The following CSGALNACT1 variants were observed in gnomAD, a reference collection of about 807,000 sequenced individuals.
The protein encoded by CSGALNACT1 is chondroitin sulfate N-acetylgalactosaminyltransferase 1.
In CSGALNACT1, 52 loss-of-function variants were observed where a neutral mutation model predicts 51.0. That is an observed-to-expected ratio of 1.02 (90% CI 0.82 to 1.29). CSGALNACT1 has a LOEUF of 1.29. Among genes scored for constraint, CSGALNACT1 ranks in the 50% most tolerant of loss-of-function variants. The pLI, the probability that CSGALNACT1 is intolerant of heterozygous loss-of-function variation, is 0.00. For synonymous variants in CSGALNACT1, 341 were observed against 254.4 expected (o/e 1.34, Z -3.24); for missense variants, 935 against 679.2 (o/e 1.38, Z -4.19).
At chr8:19,752,042 TATATA>T (rs1246638600) in intron 1 of CSGALNACT1, among the ~76,000 whole-genome samples, 1 of 146,032 alleles carries the variant, frequency 6.8e-6, no homozygotes, top group East Asian at 2.0e-4. Flanking sequence ...TATACAATGT[TATATA>T]ATATATAACA....
chr8:19,425,406 C>T (rs2058620316), intron 6 of CSGALNACT1, among the ~76,000 whole-genome samples: 4 of 152,202 alleles, frequency 2.6e-5, no homozygotes, highest in South Asian at 4.1e-4. Context: ...AACTTCACAA[C>T]CCCGTGTCAC....
At chr8:19,552,000 A>C (rs553645820) in intron 3 of CSGALNACT1, among the ~76,000 whole-genome samples, 2 of 152,296 alleles carry the variant, frequency 1.3e-5, no homozygotes, top group East Asian at 3.9e-4. Context: ...GTTAACTAGC[A>C]CTGGATCATA....
chr8:19,583,265 T>A (rs536607765), intron 3 of CSGALNACT1, among the ~76,000 whole-genome samples: 4 of 152,350 alleles, frequency 2.6e-5, no homozygotes, highest in African/African-American at 9.6e-5. Flanking sequence ...GGTTTTATAA[T>A]TGTCCATGTA....
At chr8:19,427,922 G>T (rs1402722574) in intron 6 of CSGALNACT1, among the ~76,000 whole-genome samples, 22 of 152,188 alleles carry the variant, frequency 1.4e-4, no homozygotes, top group Non-Finnish European at 1.5e-5. Context: ...CCTAATCAGT[G>T]TATCTCCCTG....
intron 3 of CSGALNACT1, among the ~76,000 whole-genome samples, chr8:19,562,970 A>G (rs1588388255): frequency 6.6e-6 from 1 of 152,254 alleles, no homozygotes; most frequent in South Asian, 2.1e-4. Context: ...ATAAAGATAC[A>G]TGCACATGTA....
intron 1 of CSGALNACT1, among the ~76,000 whole-genome samples, chr8:19,624,170 C>T (rs1409377938): frequency 6.6e-6 from 1 of 152,204 alleles, no homozygotes; most frequent in Non-Finnish European, 1.5e-5. Flanking sequence ...TGTAGCCCCT[C>T]TGAGATTATC....
At chr8:19,506,694 G>A (rs1339848601) in intron 3 of CSGALNACT1, among the ~76,000 whole-genome samples, 1 of 152,128 alleles carries the variant, frequency 6.6e-6, no homozygotes, top group African/African-American at 2.4e-5. Context: ...GCTCCCATGA[G>A]AACTCCTTGT....
rs368607030 is a variant in CSGALNACT1, at chr8:19,465,208, C to T, written c.635-6566G>A. On this transcript the variant is annotated intron_variant, in intron 4 of 9. Coordinates refer to ENST00000454498, the Ensembl canonical transcript of CSGALNACT1. ...GATACATGCTACAACATGGATGAAT[C>T]GTGCAGACATTATGCTAAGTGAAAT... is the stretch of plus-strand genomic sequence containing the variant. Among the ~76,000 whole-genome samples, 264 of 152,268 alleles carry T rather than the reference C, an allele frequency of 1.7e-3. 3 individuals carry two copies. The highest frequency in any genetic ancestry group is 6.0e-3 in the African/African-American group (250 of 41,542).
chr8:19,665,814 G>A (rs951100811), intron 1 of CSGALNACT1, among the ~76,000 whole-genome samples: 2 of 152,176 alleles, frequency 1.3e-5, no homozygotes, highest in Non-Finnish European at 2.9e-5. Context: ...AACTAAAAAT[G>A]TGTTCTTCGC....
At chr8:19,666,807 GAA>G (rs1491152494) in intron 1 of CSGALNACT1, among the ~76,000 whole-genome samples, 383 of 21,172 alleles carry the variant, frequency 0.018, 12 homozygotes, top group Admixed American at 0.054. Flanking sequence ...AAGAAAGAAA[GAA>G]AGAGAGAGAG....
intron 5 of CSGALNACT1, among the ~76,000 whole-genome samples, chr8:19,444,410 G>A (rs999334948): frequency 5.3e-5 from 8 of 152,142 alleles, no homozygotes; most frequent in African/African-American, 1.2e-4. Context: ...GGAGGGTGTG[G>A]TACCCTTGGA....
At chr8:19,442,725 A>AC (rs1443519358) in intron 5 of CSGALNACT1, among the ~76,000 whole-genome samples, 2 of 151,784 alleles carry the variant, frequency 1.3e-5, no homozygotes, top group Non-Finnish European at 2.9e-5. Context: ...ATAAAAAAAA[A>AC]AAAAGACTAT....
chr8:19,597,968 A>G (rs759560625), intron 2 of CSGALNACT1, among the ~76,000 whole-genome samples: 3 of 152,228 alleles, frequency 2.0e-5, no homozygotes, highest in Non-Finnish European at 4.4e-5. Context: ...GCCCAGCCCC[A>G]TCCCAGCCTG....
chr8:19,627,547 G>C (rs1022599856), intron 1 of CSGALNACT1, among the ~76,000 whole-genome samples: 3 of 152,084 alleles, frequency 2.0e-5, no homozygotes, highest in African/African-American at 4.8e-5. Flanking sequence ...ATAAGGCCAG[G>C]CATGGTGATT....
intron 9 of CSGALNACT1, among the ~76,000 whole-genome samples, chr8:19,407,962 C>T (rs2054679769): frequency 6.7e-6 from 1 of 150,272 alleles, no homozygotes; most frequent in Admixed American, 6.6e-5. Context: ...TTGGCAGCAA[C>T]TGCACATTTA....
intron 3 of CSGALNACT1, among the ~76,000 whole-genome samples, chr8:19,545,284 G>C (rs928345919): frequency 5.3e-5 from 8 of 152,112 alleles, no homozygotes; most frequent in Admixed American, 4.6e-4. Context: ...GCAGAAATGA[G>C]ATGAATGAAA....
At chr8:19,526,552 C>T (rs2081748152) in intron 3 of CSGALNACT1, among the ~76,000 whole-genome samples, 1 of 152,058 alleles carries the variant, frequency 6.6e-6, no homozygotes, top group African/African-American at 2.4e-5. Context: ...CACTGCACTC[C>T]AGCTTGGTGA....
intron 1 of CSGALNACT1, among the ~76,000 whole-genome samples, chr8:19,677,300 A>C (rs1396365325): frequency 6.6e-6 from 1 of 152,152 alleles, no homozygotes; most frequent in Non-Finnish European, 1.5e-5. Context: ...TTACAGAGAC[A>C]GCATTTTGCC....
At chr8:19,479,524 C>T (rs1317895841) in intron 4 of CSGALNACT1, among the ~76,000 whole-genome samples, 2 of 152,172 alleles carry the variant, frequency 1.3e-5, no homozygotes, top group African/African-American at 4.8e-5. Flanking sequence ...CTCATTAGTT[C>T]TGTCTTATTC....
Sources: allele counts gnomAD v4.1 joint callset (sites outside exome capture counted in the v4.1 genomes callset), GRCh38; gene constraint gnomAD v4.1.1; transcripts MANE v1.5; gene names NCBI Gene and HGNC (gene_info 2026-07-23, HGNC 2026-07-21).